Variants in DISP3 observed in about 807,000 individuals in gnomAD.
DISP3 encodes the protein dispatched RND transporter family member 3.
Under a neutral mutation model 135.3 loss-of-function variants are expected in DISP3, and 101 were observed. The observed-to-expected ratio is 0.75, with a 90% CI of 0.64 to 0.88. DISP3 has a LOEUF of 0.88. DISP3 is among the 40% of genes least tolerant of loss of function. DISP3 has a pLI of 0.00. For synonymous variants in DISP3, 856 were observed against 817.0 expected (o/e 1.05, Z -0.81); for missense variants, 1,713 against 1,878.6 (o/e 0.91, Z 1.63).
intron 1 of DISP3, among the ~76,000 whole-genome samples, chr1:11,479,787 A>G (rs1441306702): frequency 6.6e-6 from 1 of 152,186 alleles, no homozygotes; most frequent in African/African-American, 2.4e-5. Flanking sequence ...CGCCCATGCT[A>G]GAGCGGAGGG....
Position 11,535,459 on chromosome 1 carries a change from C to T in DISP3, c.3650-19C>T, listed in dbSNP as rs748608131. On this transcript the variant is annotated intron_variant, in intron 19 of 20. Transcript: ENST00000294484. Reference sequence around the variant, plus strand: ...CAGGGCGGGGGATCCGAGCTGCCCCCCCTGCTGTCTCCTTGCAGGCATCGT... The same window carrying T: ...CAGGGCGGGGGATCCGAGCTGCCCCTCCTGCTGTCTCCTTGCAGGCATCGT... The T allele has an allele frequency of 6.3e-7, 1 of 1,593,008 alleles. No homozygotes were observed. The highest frequency in any genetic ancestry group is 8.6e-7 in the Non-Finnish European group (1 of 1,167,172).
chr1:11,482,144 C>G (rs1459253084), intron 1 of DISP3, among the ~76,000 whole-genome samples: 1 of 152,232 alleles, frequency 6.6e-6, no homozygotes, highest in Non-Finnish European at 1.5e-5. Flanking sequence ...CCCATCCTCC[C>G]CATCCCCTAT....
rs536658525 is a variant in DISP3 at position 11,508,990 on chromosome 1, C to A, written c.1317-5400C>A. Among the ~76,000 whole-genome samples, 9 of 152,212 alleles carry A rather than the reference C, an allele frequency of 5.9e-5. No homozygotes were observed. The East Asian group carries it at 1.7e-3, about 29-fold the overall frequency. ...TTGTACTACTTTCTTAAAGTAGAAG[C>A]TAAGGCCATCGATTTGAAACTTTTC... is the stretch of plus-strand genomic sequence containing the variant. On this transcript the variant is annotated intron_variant, in intron 3 of 20. Coordinates refer to ENST00000294484, the MANE Select transcript of DISP3 (RefSeq NM_020780.2).
rs775914394 is a variant in DISP3, at chr1:11,520,516, G to A, written c.2201-171G>A. On this transcript the variant is annotated intron_variant, in intron 9 of 20. Coordinates refer to ENST00000294484, the MANE Select transcript of DISP3 (RefSeq NM_020780.2). This position sits in a 1 kb window ranked among gnomAD's most constrained non-coding sequence, Gnocchi z 4.8. ...AAGCAACTGATCCCTGGCCCTGTAG[G>A]ACCATCCCCAGCAAGCTTTGCCCAC... is the stretch of plus-strand genomic sequence containing the variant. Among the ~76,000 whole-genome samples the A allele has an allele frequency of 3.3e-5, 5 of 152,112 alleles. No homozygotes were observed. Among genetic ancestry groups the A allele is most frequent in the Non-Finnish European group, 5.9e-5 (4 of 68,014 alleles).
At chr1:11,527,331 C>T (rs945365056) in intron 13 of DISP3, among the ~76,000 whole-genome samples, 4 of 152,128 alleles carry the variant, frequency 2.6e-5, no homozygotes, top group South Asian at 2.1e-4. Context: ...GGGCGGATCA[C>T]GAGGTCAGCC....
At position 11,501,154 on chromosome 1, in the gene DISP3, AC is replaced by A; in HGVS notation, c.167del (p.Pro56GlnfsTer171). On this transcript the variant is annotated frameshift_variant, in exon 2 of 21. Transcript: ENST00000294484. LOFTEE classifies it high-confidence loss of function. The surrounding 1 kb of genome is among the most constrained non-coding windows in gnomAD (Gnocchi z 4.9). The part of the protein sequence containing the change: ...CWRHWPLASR[P>X]PASGFWSTLG... Reference sequence around the variant, plus strand: ...GGCGGCACTGGCCCCTGGCTTCCCGACCCCCAGCTTCGGGCTTCTGGAGTAC... The same window carrying A: ...GGCGGCACTGGCCCCTGGCTTCCCGACCCCAGCTTCGGGCTTCTGGAGTAC... 2 of 1,613,280 alleles carry A rather than the reference AC, an allele frequency of 1.2e-6. No homozygotes were observed. Among genetic ancestry groups the A allele is most frequent in the Non-Finnish European group, 1.7e-6 (2 of 1,179,806 alleles).
Position 11,501,511 on chromosome 1 carries a change from C to T in DISP3, c.519C>T (p.Arg173=). ...NRSRQASRAP[R]VIPAASLGGP... is the part of the protein sequence containing the mutation. ...CGCGGCAAGCCTCCCGAGCCCCCCG[C>T]GTCATCCCCGCGGCCTCACTCGGTG... Residue 173 remains arginine, a synonymous_variant, in exon 2 of 21, where the codon CGC becomes CGT. Coordinates refer to ENST00000294484, the MANE Select transcript of DISP3 (RefSeq NM_020780.2). The surrounding 1 kb of genome is among the most constrained non-coding windows in gnomAD (Gnocchi z 4.9). 1 of 1,605,286 alleles carries T rather than the reference C, an allele frequency of 6.2e-7. No homozygotes were observed. The highest frequency in any genetic ancestry group is 8.5e-7 in the Non-Finnish European group (1 of 1,175,686).
intron 17 of DISP3, among the ~76,000 whole-genome samples, chr1:11,532,626 G>C (rs979606711): frequency 6.6e-6 from 1 of 152,138 alleles, no homozygotes; most frequent in Non-Finnish European, 1.5e-5. Flanking sequence ...GCCCCAGATG[G>C]GTCTTTTTAG....
At chr1:11,487,117 A>G (rs1641057124) in intron 1 of DISP3, among the ~76,000 whole-genome samples, 1 of 152,220 alleles carries the variant, frequency 6.6e-6, no homozygotes, top group South Asian at 2.1e-4. Context: ...CAGGGCTTTG[A>G]TTTGGCAGGG....
Position 11,536,783 on chromosome 1 carries a change from T to G in DISP3, c.*97T>G. On this transcript the variant is annotated 3_prime_UTR_variant, in exon 21 of 21. Transcript: ENST00000294484. This position sits in a 1 kb window ranked among gnomAD's most constrained non-coding sequence, Gnocchi z 4.3. Reference sequence around the variant, plus strand: ...CTTCAGCTAGCTGTGTCCCCAGGCCTGGGCCCAGGGCGCCCTGCGGGCCAG... The same window carrying G: ...CTTCAGCTAGCTGTGTCCCCAGGCCGGGGCCCAGGGCGCCCTGCGGGCCAG... 1 of 1,416,342 alleles carries G rather than the reference T, an allele frequency of 7.1e-7. No individual in the cohort carries two copies. The allele number at this position is 1,416,342 out of a possible 1,614,324, so 87.7% of individuals were successfully genotyped here.
chr1:11,519,084 G>A lies in DISP3; in HGVS notation c.1890-271G>A, dbSNP rs781403495. On this transcript the variant is annotated intron_variant, in intron 7 of 20. Coordinates refer to ENST00000294484, the MANE Select transcript of DISP3 (RefSeq NM_020780.2). The surrounding 1 kb of genome is among the most constrained non-coding windows in gnomAD (Gnocchi z 4.3). ...CCCTGATTTGATCACCTTAGTGCCC[G>A]GGCCACTGTGTGTTGTCATCCCCTC... 6.6e-6 allele frequency among the ~76,000 whole-genome samples: 1 copy of A among 152,106 alleles called. No individual in the cohort carries two copies. Among genetic ancestry groups the A allele is most frequent in the South Asian group, 2.1e-4 (1 of 4,824 alleles).
intron 1 of DISP3, among the ~76,000 whole-genome samples, chr1:11,492,529 G>A (rs993519317): frequency 1.3e-5 from 2 of 152,118 alleles, no homozygotes; most frequent in Non-Finnish European, 2.9e-5. Context: ...GGACAGGCTC[G>A]CCACAGAGCC....
At chr1:11,503,298 A>T (rs931616142) in intron 3 of DISP3, among the ~76,000 whole-genome samples, 89 of 152,302 alleles carry the variant, frequency 5.8e-4, no homozygotes, top group African/African-American at 2.1e-3. Context: ...GATATGTGAG[A>T]GGAGATTTAT....
chr1:11,512,216 C>T (rs1329870200), intron 3 of DISP3, among the ~76,000 whole-genome samples: 1 of 152,104 alleles, frequency 6.6e-6, no homozygotes, highest in Admixed American at 6.5e-5. Flanking sequence ...GCTACTTATG[C>T]AAATTTCTGC....
intron 10 of DISP3, among the ~76,000 whole-genome samples, chr1:11,522,716 G>GACCCA (rs1642257771): frequency 2.3e-4 from 11 of 48,640 alleles, no homozygotes; most frequent in Admixed American, 4.8e-4. Context: ...ACCCAGCCAG[G>GACCCA]GCCCAGCCAG....
At chr1:11,486,678 G>T (rs1641044038) in intron 1 of DISP3, among the ~76,000 whole-genome samples, 1 of 151,942 alleles carries the variant, frequency 6.6e-6, no homozygotes, top group African/African-American at 2.4e-5. Context: ...ACTAAGTTAA[G>T]ATTAAGATTT....
At position 11,519,864 on chromosome 1, in the gene DISP3, C is replaced by T; in HGVS notation, c.2184C>T (p.Ser728=). ...HHWVLWSAVK[S]RWVIVGLFVS... ...GGGTCCTGTGGTCAGCCGTCAAGAG[C>T]CGCTGGGTGATTGTGGGTAAGTGGG... Residue 728 remains serine (S), a synonymous_variant, in exon 9 of 21, where the codon AGC becomes AGT. Coordinates refer to ENST00000294484, the MANE Select transcript of DISP3 (RefSeq NM_020780.2). This position sits in a 1 kb window ranked among gnomAD's most constrained non-coding sequence, Gnocchi z 4.3. The T allele has an allele frequency of 6.2e-7, 1 of 1,609,306 alleles. No homozygotes were observed. The highest frequency in any genetic ancestry group is 8.5e-7 in the Non-Finnish European group (1 of 1,178,380).
Position 11,531,537 on chromosome 1 carries a change from G to T in DISP3, c.3230-28G>T, listed in dbSNP as rs560268267. 4 of 1,612,872 alleles carry T rather than the reference G, an allele frequency of 2.5e-6. No individual in the cohort carries two copies. Among genetic ancestry groups the T allele is most frequent in the African/African-American group, 2.7e-5 (2 of 74,902 alleles). On this transcript the variant is annotated intron_variant, in intron 16 of 20. Coordinates refer to ENST00000294484, the MANE Select transcript of DISP3 (RefSeq NM_020780.2). The surrounding 1 kb of genome is among the most constrained non-coding windows in gnomAD (Gnocchi z 5.2). ...GGACAGGCTCTTCCAGGGCCACCACGCACTCCCTTTCTTGCCTCTCCCCGC... is the reference window on the plus strand; with the variant it reads ...GGACAGGCTCTTCCAGGGCCACCACTCACTCCCTTTCTTGCCTCTCCCCGC...
At chr1:11,535,846 G>A (rs925314891) in intron 20 of DISP3, among the ~76,000 whole-genome samples, 1 of 152,110 alleles carries the variant, frequency 6.6e-6, no homozygotes, top group African/African-American at 2.4e-5. Context: ...CCCAGCCTCA[G>A]TCTTCCCAAG....
Sources: gnomAD v4.1 joint callset for allele counts (sites outside exome capture counted in the v4.1 genomes callset) on GRCh38, gnomAD v4.1.1 for gene constraint, Gnocchi (gnomAD v3.1) non-coding constraint, MANE v1.5 for transcripts, NCBI Gene and HGNC (gene_info 2026-07-23, HGNC 2026-07-21) for gene names.